The following FBXL17 variants were observed in gnomAD, a reference collection of about 807,000 sequenced individuals.
The protein encoded by FBXL17 is F-box and leucine rich repeat protein 17, also known as F-box/LRR-repeat protein 17.
FBXL17 carries 22 observed loss-of-function variants against 66.2 expected under a neutral mutation model. That is an observed-to-expected ratio of 0.33 (90% CI 0.24 to 0.47). FBXL17 has a LOEUF of 0.47. Among genes scored for constraint, FBXL17 ranks in the 20% least tolerant of loss-of-function variants. FBXL17 has a pLI of 1.00. For missense variants in FBXL17, 878 were observed against 948.2 expected (o/e 0.93, Z 0.97); for synonymous variants, 474 against 400.5 (o/e 1.18, Z -2.19).
chr5:108,127,654 C>T (rs1417701790), intron 6 of FBXL17, among the ~76,000 whole-genome samples: 2 of 151,948 alleles, frequency 1.3e-5, no homozygotes, highest in Non-Finnish European at 2.9e-5. Context: ...TTAAAAAAAT[C>T]TTTAATAGAT....
At chr5:107,932,582 T>A (rs920218379) in intron 7 of FBXL17, among the ~76,000 whole-genome samples, 5 of 152,180 alleles carry the variant, frequency 3.3e-5, no homozygotes, top group Non-Finnish European at 7.4e-5. Context: ...TCATTTGTTT[T>A]AAAAGCACAA....
chr5:108,188,979 C>T (rs1435917176), intron 5 of FBXL17, among the ~76,000 whole-genome samples: 6 of 152,188 alleles, frequency 3.9e-5, no homozygotes, highest in Admixed American at 2.6e-4. Context: ...ACGCTCTTTG[C>T]TGTGCTTTCT....
At chr5:108,171,162 T>C (rs1210769769) in intron 6 of FBXL17, among the ~76,000 whole-genome samples, 1 of 152,238 alleles carries the variant, frequency 6.6e-6, no homozygotes, top group African/African-American at 2.4e-5. Context: ...ATAGCAGTAC[T>C]GGAAACTGCA....
intron 6 of FBXL17, among the ~76,000 whole-genome samples, chr5:108,045,176 T>C (rs1156767665): frequency 6.6e-6 from 1 of 152,200 alleles, no homozygotes; most frequent in Non-Finnish European, 1.5e-5. Context: ...GCGTGGTGAC[T>C]GACGCCTATA....
intron 4 of FBXL17, among the ~76,000 whole-genome samples, chr5:108,277,711 A>C (rs1353326100): frequency 6.6e-6 from 1 of 152,224 alleles, no homozygotes; most frequent in Non-Finnish European, 1.5e-5. Flanking sequence ...TCCCCTAAAA[A>C]ACAAAGGAAT....
intron 7 of FBXL17, among the ~76,000 whole-genome samples, chr5:107,923,117 T>C (rs886646208): frequency 2.0e-5 from 3 of 152,080 alleles, no homozygotes; most frequent in South Asian, 4.1e-4. Context: ...TCTGTAGCAA[T>C]GGGCATGCCA....
intron 4 of FBXL17, among the ~76,000 whole-genome samples, chr5:108,239,687 G>A (rs1468518637): frequency 6.6e-6 from 1 of 152,100 alleles, no homozygotes; most frequent in African/African-American, 2.4e-5. Flanking sequence ...CAGCGAAACT[G>A]AAGGGCACAT....
intron 6 of FBXL17, among the ~76,000 whole-genome samples, chr5:108,066,781 G>T (rs779225821): frequency 1.3e-5 from 2 of 151,480 alleles, no homozygotes; most frequent in Non-Finnish European, 2.9e-5. Flanking sequence ...ACCTGAAATG[G>T]GATATATTAA....
chr5:108,180,129 T>C (rs946102362), intron 6 of FBXL17, among the ~76,000 whole-genome samples: 1 of 152,222 alleles, frequency 6.6e-6, no homozygotes, highest in Non-Finnish European at 1.5e-5. Flanking sequence ...ATACTGTATA[T>C]GCCAAACAAA....
intron 6 of FBXL17, among the ~76,000 whole-genome samples, chr5:108,132,120 G>A (rs1750959897): frequency 6.6e-6 from 1 of 151,996 alleles, no homozygotes; most frequent in Admixed American, 6.6e-5. Context: ...GGGATTACAG[G>A]CATGTGCCAC....
At chr5:108,294,621 C>T (rs1017072144) in intron 4 of FBXL17, among the ~76,000 whole-genome samples, 5 of 152,084 alleles carry the variant, frequency 3.3e-5, no homozygotes, top group African/African-American at 9.6e-5. Context: ...ATTTAACTCT[C>T]TCTCTCTTCT....
chr5:108,325,486 G>A (rs1482939768), intron 4 of FBXL17, among the ~76,000 whole-genome samples: 1 of 151,866 alleles, frequency 6.6e-6, no homozygotes, highest in East Asian at 1.9e-4. Context: ...AAATAAGTGG[G>A]ATTTATTTTA....
intron 3 of FBXL17, among the ~76,000 whole-genome samples, chr5:108,358,669 T>C (rs1201267520): frequency 6.6e-6 from 1 of 152,142 alleles, no homozygotes; most frequent in African/African-American, 2.4e-5. Flanking sequence ...TTTTGTAGGG[T>C]CTTGGGCTGG....
chr5:107,878,913 A>C (rs1218478467), intron 8 of FBXL17: 1 of 985,348 alleles, frequency 1.0e-6, no homozygotes, highest in Non-Finnish European at 1.2e-6. Context: ...TGCTGGAGCC[A>C]ATGGGTTCTC....
intron 5 of FBXL17, among the ~76,000 whole-genome samples, chr5:108,213,660 G>C (rs1453860302): frequency 6.6e-6 from 1 of 152,180 alleles, no homozygotes; most frequent in Non-Finnish European, 1.5e-5. Context: ...GGGTACCTCA[G>C]TTGGAAATGC....
At chr5:108,375,612 G>A (rs554188212) in intron 1 of FBXL17, among the ~76,000 whole-genome samples, 16 of 152,140 alleles carry the variant, frequency 1.1e-4, no homozygotes, top group African/African-American at 1.4e-4. Context: ...TGTACAGCAC[G>A]TAAAAAGATG....
chr5:108,262,021 A>G (rs1260277366), intron 4 of FBXL17, among the ~76,000 whole-genome samples: 1 of 151,708 alleles, frequency 6.6e-6, no homozygotes, highest in African/African-American at 2.4e-5. Flanking sequence ...AGCAAAATAC[A>G]GAATGAAAAG....
At chr5:108,309,550 CAAAT>C (rs1759015492) in intron 4 of FBXL17, among the ~76,000 whole-genome samples, 1 of 151,884 alleles carries the variant, frequency 6.6e-6, no homozygotes, top group Non-Finnish European at 1.5e-5. Flanking sequence ...TTTTAAATAT[CAAAT>C]AAATTAATAT....
chr5:107,897,866 G>C (rs1236801659), intron 7 of FBXL17, among the ~76,000 whole-genome samples: 2 of 151,570 alleles, frequency 1.3e-5, no homozygotes, highest in African/African-American at 2.4e-5. Flanking sequence ...ATTTATGACA[G>C]GGCCAATCAA....
Sources: gnomAD v4.1 joint callset for allele counts (sites outside exome capture counted in the v4.1 genomes callset) on GRCh38, gnomAD v4.1.1 for gene constraint, MANE v1.5 for transcripts, NCBI Gene and HGNC (gene_info 2026-07-23, HGNC 2026-07-21) for gene names.